ZGRF1: variants seen among roughly 807,000 people sequenced by gnomAD.
ZGRF1 encodes the protein zinc finger GRF-type containing 1.
Under a neutral mutation model 203.5 loss-of-function variants are expected in ZGRF1, and 196 were observed. That is an observed-to-expected ratio of 0.96 (90% CI 0.86 to 1.08). The LOEUF is 1.08. ZGRF1 is among the 50% of genes least tolerant of loss of function. The pLI, the probability that ZGRF1 is intolerant of heterozygous loss-of-function variation, is 0.00. For synonymous variants in ZGRF1, 809 were observed against 841.3 expected (o/e 0.96, Z 0.66); for missense variants, 2,326 against 2,416.3 (o/e 0.96, Z 0.78).
At position 112,548,275 on chromosome 4, in the gene ZGRF1, C is replaced by A. The variant is rs1366375993; in HGVS notation, c.5452G>T (p.Ala1818Ser). The change falls in exon 23 of 28, where the codon GCC (alanine) becomes TCC (serine). Residue 1818 changes from alanine (A) to serine (S), a missense_variant. By Grantham distance (99) the Ala-to-Ser change is moderately conservative. Transcript: ENST00000505019. ...LDECSQITEP[A>S]SLLPIARFEC... is the part of the protein sequence containing the mutation. ...TACCTTGCAATGGGAAGGAGAGAGG[C>A]CGGTTCAGTTATCTGACTACACTCA... 3 of 1,552,168 alleles carry A rather than the reference C, an allele frequency of 1.9e-6. No homozygotes were observed. The South Asian group carries it at 3.6e-5, about 18-fold the overall frequency.
intron 1 of ZGRF1, among the ~76,000 whole-genome samples, chr4:112,633,485 A>G (rs1003301982): frequency 1.3e-5 from 2 of 152,250 alleles, no homozygotes; most frequent in Admixed American, 6.5e-5. Flanking sequence ...ATTAACTTGT[A>G]GTCTGCATTT....
rs1578462336 is a variant in ZGRF1 at position 112,617,640 on chromosome 4, A to G, written c.2402T>C (p.Val801Ala). Reference sequence around the variant, plus strand: ...TTGTTTGCCTTCTCTGGCAGTTTCAACCTCAACATGGTCAGGGGGTGGACT... The same window carrying G: ...TTGTTTGCCTTCTCTGGCAGTTTCAGCCTCAACATGGTCAGGGGGTGGACT... ...IRSPPPDHVEVETAREGKQYW... is the reference protein window; with the variant it reads ...IRSPPPDHVEAETAREGKQYW... Residue 801 changes from valine (V) to alanine (A), a missense_variant, in exon 6 of 28, where the codon GTT (valine) becomes GCT (alanine). By Grantham distance (64) the Val-to-Ala change is moderately conservative. Coordinates refer to ENST00000505019, the MANE Select transcript of ZGRF1 (RefSeq NM_018392.5). 1 of 1,613,656 alleles carries G rather than the reference A, an allele frequency of 6.2e-7. No individual in the cohort carries two copies. The highest frequency in any genetic ancestry group is 8.5e-7 in the Non-Finnish European group (1 of 1,179,902).
chr4:112,619,853 T>C, intron 5 of ZGRF1, 149 bp downstream of exon 5: 1 of 904,770 alleles, frequency 1.1e-6, no homozygotes, highest in Non-Finnish European at 1.6e-6. Context: ...TGTAATAAGA[T>C]TTTTCAAAGT....
chr4:112,587,499 T>G lies in ZGRF1; in HGVS notation c.3558A>C (p.Glu1186Asp), dbSNP rs1747393389. Residue 1186 changes from glutamate to aspartate, a missense_variant, in exon 12 of 28, where the codon GAA (glutamate) becomes GAC (aspartate). Physicochemically the swap from Glu to Asp is conservative, Grantham distance 45. Transcript: ENST00000505019. Reference sequence around the variant, plus strand: ...TTTCATTGACAGCATCACTCTGTCTTTCACTTGTGTCTCTAAAATGCATCC... The same window carrying G: ...TTTCATTGACAGCATCACTCTGTCTGTCACTTGTGTCTCTAAAATGCATCC... ...VSGMHFRDTS[E>D]RQSDAVNESS... The G allele has an allele frequency of 6.2e-7, 1 of 1,613,804 alleles. No individual in the cohort carries two copies. Among genetic ancestry groups the G allele is most frequent in the Admixed American group, 1.7e-5 (1 of 59,992 alleles).
At chr4:112,567,948 C>A (rs1235958189) in intron 16 of ZGRF1, among the ~76,000 whole-genome samples, 3 of 149,884 alleles carry the variant, frequency 2.0e-5, no homozygotes. Flanking sequence ...AACAAACAAA[C>A]AAAAAAAACA....
At position 112,540,025 on chromosome 4, in the gene ZGRF1, T is replaced by A; in HGVS notation, c.6010A>T (p.Ile2004Phe). The part of the protein sequence containing the change: ...DAFQGAEKEI[I>F]ILSCVRTRQV... ...CTTGTCCTTACACAGGACAGAATAA[T>A]GATCTCCTTTTCAGCTCCCTGAAAA... The change falls in exon 27 of 28, where the codon ATT (isoleucine) becomes TTT (phenylalanine). Residue 2004 changes from isoleucine (I) to phenylalanine (F), a missense_variant. Transcript: ENST00000505019. 1.2e-6 allele frequency: 2 copies of A among 1,612,644 alleles called. No individual in the cohort carries two copies. Among genetic ancestry groups the A allele is most frequent in the Non-Finnish European group, 1.7e-6 (2 of 1,179,114 alleles).
intron 7 of ZGRF1, chr4:112,611,128 C>G (rs924122011): frequency 6.0e-6 from 1 of 167,146 alleles, no homozygotes; most frequent in African/African-American, 2.4e-5. Context: ...TGAGGCCGGG[C>G]CTGGTGGCTC....
chr4:112,591,510 T>A (rs551734943), intron 10 of ZGRF1, among the ~76,000 whole-genome samples: 11 of 152,316 alleles, frequency 7.2e-5, no homozygotes, highest in African/African-American at 2.4e-4. Flanking sequence ...TCTTAAAGTA[T>A]GAGGCAGCTC....
intron 15 of ZGRF1, among the ~76,000 whole-genome samples, chr4:112,583,492 G>A (rs1746634748): frequency 1.3e-5 from 2 of 152,132 alleles, no homozygotes; most frequent in Non-Finnish European, 2.9e-5. Flanking sequence ...ATGTTTAGAG[G>A]GAGCCGAAAT....
intron 19 of ZGRF1, among the ~76,000 whole-genome samples, chr4:112,558,510 G>A (rs575832937): frequency 1.4e-4 from 22 of 152,160 alleles, no homozygotes; most frequent in African/African-American, 4.6e-4. Context: ...TGGGATTACC[G>A]GCGTGCACCA....
intron 16 of ZGRF1, among the ~76,000 whole-genome samples, chr4:112,576,457 G>A (rs1007072268): frequency 1.3e-5 from 2 of 152,094 alleles, no homozygotes; most frequent in African/African-American, 4.8e-5. Context: ...AGAGAAGAAG[G>A]CTCCAGACGA....
intron 24 of ZGRF1, among the ~76,000 whole-genome samples, chr4:112,545,538 T>G (rs72668079): frequency 0.014 from 2,190 of 152,218 alleles, 31 homozygotes; most frequent in South Asian, 0.03. Flanking sequence ...GTTGGGAAAG[T>G]AAAATGACGC....
intron 16 of ZGRF1, among the ~76,000 whole-genome samples, chr4:112,570,555 ATCCTGGGCAACAGAGCAAGACTCTGTC>A: frequency 6.6e-6 from 1 of 152,270 alleles, no homozygotes. Flanking sequence ...ACTGCACTCC[ATCCTGGGCAACAGAGCAAGACTCTGTC>A]TCAAACATAC....
chr4:112,596,988 C>T (rs964646919), intron 10 of ZGRF1, among the ~76,000 whole-genome samples: 2 of 150,876 alleles, frequency 1.3e-5, no homozygotes, highest in Non-Finnish European at 3.0e-5. Context: ...CTGAGACAGG[C>T]GGATCACTTA....
chr4:112,562,331 T>C (rs1185394337), intron 18 of ZGRF1, 40 bp downstream of exon 18: 2 of 1,080,270 alleles, frequency 1.9e-6, no homozygotes, highest in Non-Finnish European at 1.4e-6. Flanking sequence ...CTGATTACCA[T>C]TTTTTAATAC....
intron 18 of ZGRF1, 172 bp from the exon 19 acceptor site, chr4:112,561,167 G>C (rs1741903423): frequency 3.3e-6 from 2 of 601,852 alleles, no homozygotes; most frequent in Admixed American, 2.9e-5. Flanking sequence ...CCAATATCGA[G>C]GAGGGTAGAA....
intron 18 of ZGRF1, chr4:112,561,227 C>A: frequency 2.1e-6 from 1 of 473,330 alleles, no homozygotes; most frequent in Non-Finnish European, 3.8e-6. Flanking sequence ...CTTTGTTGAG[C>A]ATTTTACATA....
chr4:112,562,365 A>G lies in ZGRF1; in HGVS notation c.4697+6T>C. The G allele has an allele frequency of 6.6e-7, 1 of 1,517,822 alleles. No individual in the cohort carries two copies. 94.0% of individuals were successfully genotyped at this position (1,517,822 alleles called of 1,614,324 possible). ...ACCAATGACTCAAAGGTAAAAAATG[A>G]CTTACGTTGTTAACAGGTACTGTGT... On this transcript the variant is annotated splice_donor_region_variant and intron_variant, in intron 18 of 27. Coordinates refer to ENST00000505019, the MANE Select transcript of ZGRF1 (RefSeq NM_018392.5).
chr4:112,564,932 C>A, intron 16 of ZGRF1: 1 of 747,780 alleles, frequency 1.3e-6, no homozygotes, highest in Non-Finnish European at 2.4e-6. Flanking sequence ...CGCCGCCTGT[C>A]GCTGACCAAG....
Sources: gnomAD v4.1 joint callset for allele counts (sites outside exome capture counted in the v4.1 genomes callset) on GRCh38, gnomAD v4.1.1 for gene constraint, MANE v1.5 for transcripts, NCBI Gene and HGNC (gene_info 2026-07-23, HGNC 2026-07-21) for gene names.